The following MEF2A variants were observed in gnomAD, a reference collection of about 807,000 sequenced individuals.
MEF2A encodes myocyte-specific enhancer factor 2A.
A neutral mutation model predicts 55.8 loss-of-function variants in MEF2A; 28 were observed. The ratio of observed to expected loss-of-function variants is 0.50; its 90% CI spans 0.37 to 0.69. The LOEUF (loss-of-function observed/expected upper bound fraction) is 0.69, where lower values mean the gene tolerates loss of function less well. MEF2A is among the 30% of genes least tolerant of loss of function. The probability of loss-of-function intolerance (pLI) is 0.00; values close to 1 mark genes in which losing one functional copy is unlikely to be tolerated. For synonymous variants in MEF2A, 239 were observed against 227.1 expected (o/e 1.05, Z -0.47); for missense variants, 528 against 626.2 (o/e 0.84, Z 1.67).
At chr15:99,692,651 T>G (rs2055705418) in intron 8 of MEF2A, among the ~76,000 whole-genome samples, 1 of 152,152 alleles carries the variant, frequency 6.6e-6, no homozygotes, top group African/African-American at 2.4e-5. Context: ...TCTTGTATAC[T>G]TTTTTACTCC....
intron 8 of MEF2A, among the ~76,000 whole-genome samples, chr15:99,690,900 G>A (rs2055295765): frequency 6.6e-6 from 1 of 152,140 alleles, no homozygotes; most frequent in South Asian, 2.1e-4. Context: ...AGAGAAGGGT[G>A]ACTATAGTTA....
intron 4 of MEF2A, among the ~76,000 whole-genome samples, chr15:99,663,167 A>G (rs906412520): frequency 1.3e-5 from 2 of 152,112 alleles, no homozygotes; most frequent in Non-Finnish European, 2.9e-5. Context: ...TCTTCGATCC[A>G]AAATGTAGTG....
intron 8 of MEF2A, among the ~76,000 whole-genome samples, chr15:99,692,143 A>T (rs924425362): frequency 2.0e-5 from 3 of 152,212 alleles, no homozygotes; most frequent in African/African-American, 7.2e-5. Context: ...CCACTTTGGT[A>T]TAATGCTTTA....
chr15:99,676,228 G>A (rs1342720564), intron 7 of MEF2A, among the ~76,000 whole-genome samples: 1 of 152,108 alleles, frequency 6.6e-6, no homozygotes, highest in African/African-American at 2.4e-5. Flanking sequence ...AAGACCTATT[G>A]TGGAGTCTTA....
chr15:99,662,954 C>T (rs978011438), intron 4 of MEF2A, among the ~76,000 whole-genome samples: 1 of 152,298 alleles, frequency 6.6e-6, no homozygotes, highest in Middle Eastern at 3.4e-3. Context: ...GTTAACTCCT[C>T]ATGCATTTAA....
chr15:99,680,569 C>T (rs1390835760), intron 7 of MEF2A, among the ~76,000 whole-genome samples: 1 of 152,132 alleles, frequency 6.6e-6, no homozygotes, highest in Admixed American at 6.5e-5. Flanking sequence ...GGGAATCTCT[C>T]CTGAAGAGGT....
intron 1 of MEF2A, among the ~76,000 whole-genome samples, chr15:99,573,787 A>G (rs551399544): frequency 2.8e-4 from 42 of 152,362 alleles, no homozygotes; most frequent in Admixed American, 5.9e-4. Context: ...ACCATTTGTA[A>G]TAGTGAAAGT....
chr15:99,604,988 C>T lies in MEF2A; in HGVS notation c.-143+6477C>T, dbSNP rs147536734. Among the ~76,000 whole-genome samples, 37 of 152,314 alleles carry T rather than the reference C, an allele frequency of 2.4e-4. No individual in the cohort carries two copies. The East Asian group carries it at 6.2e-3, about 25-fold the overall frequency. On this transcript the variant is annotated intron_variant, in intron 2 of 11. Transcript: ENST00000557942. ...GGAGACAGAGTCTTGCTCTGTCGCT[C>T]ATCCTGGAGTACAGTGGTGTGAGCT...
chr15:99,706,537 A>T, intron 9 of MEF2A, 192 bp from the exon 10 acceptor site: 1 of 589,416 alleles, frequency 1.7e-6, no homozygotes, highest in Non-Finnish European at 2.9e-6. Flanking sequence ...TAAAAGAATT[A>T]ATGTAAAAAT....
intron 4 of MEF2A, among the ~76,000 whole-genome samples, chr15:99,666,926 A>G (rs762984084): frequency 2.0e-5 from 3 of 152,242 alleles, no homozygotes; most frequent in Non-Finnish European, 2.9e-5. Flanking sequence ...ATAACAATTT[A>G]TGAATTACCA....
chr15:99,704,828 A>G (rs1270346068), intron 9 of MEF2A, among the ~76,000 whole-genome samples: 1 of 152,216 alleles, frequency 6.6e-6, no homozygotes, highest in Non-Finnish European at 1.5e-5. Context: ...AAAGTCATTA[A>G]ATTTATAAAC....
intron 8 of MEF2A, among the ~76,000 whole-genome samples, chr15:99,694,508 A>G (rs1000261864): frequency 1.3e-5 from 2 of 152,240 alleles, no homozygotes; most frequent in Non-Finnish European, 2.9e-5. Flanking sequence ...GGTGCTCAAC[A>G]GGTTTTAGAT....
intron 6 of MEF2A, 129 bp downstream of exon 6, chr15:99,674,741 T>A: frequency 1.3e-6 from 1 of 775,318 alleles, no homozygotes; most frequent in Non-Finnish European, 2.1e-6. Flanking sequence ...GATACATAAT[T>A]GGCCTCATTT....
chr15:99,566,055 CG>C lies in MEF2A; in HGVS notation c.-271del, dbSNP rs1005715851. On this transcript the variant is annotated 5_prime_UTR_variant, in exon 1 of 12. Coordinates refer to ENST00000557942, the MANE Select transcript of MEF2A (RefSeq NM_001319206.4). ...TCCGGGCGGCGCGAAGCGCTGGTGG[CG>C]GGCCCGGGCTGCGGCGTGTGCGCGC... is the stretch of plus-strand genomic sequence containing the variant. 6 of 152,320 alleles carry C rather than the reference CG, an allele frequency of 3.9e-5. No homozygotes were observed. Among genetic ancestry groups the C allele is most frequent in the African/African-American group, 1.4e-4 (6 of 41,428 alleles). The allele number at this position is 152,320 out of a possible 1,614,324, so 9.4% of individuals were successfully genotyped here.
At chr15:99,581,281 C>A (rs138203826) in intron 1 of MEF2A, among the ~76,000 whole-genome samples, 1 of 152,092 alleles carries the variant, frequency 6.6e-6, no homozygotes, top group Non-Finnish European at 1.5e-5. Context: ...ATCAGAATTC[C>A]ATCATAATAT....
intron 4 of MEF2A, among the ~76,000 whole-genome samples, chr15:99,649,465 A>C (rs1308959617): frequency 1.3e-5 from 2 of 152,186 alleles, no homozygotes; most frequent in Non-Finnish European, 2.9e-5. Flanking sequence ...TCCACAAAGA[A>C]TGTTGTCAAA....
intron 2 of MEF2A, among the ~76,000 whole-genome samples, chr15:99,606,346 T>TA (rs570595727): frequency 5.9e-4 from 89 of 149,772 alleles, no homozygotes; most frequent in Non-Finnish European, 9.5e-4. Context: ...AAATATTTCT[T>TA]AAAAAAAAAA....
In MEF2A at chr15:99,578,466, A is replaced by G. The variant is rs1964976989; in HGVS notation, c.-225+12362A>G. Among the ~76,000 whole-genome samples, 3 of 152,172 alleles carry G rather than the reference A, an allele frequency of 2.0e-5. No individual in the cohort carries two copies. The South Asian group carries it at 6.2e-4, about 31-fold the overall frequency. On this transcript the variant is annotated intron_variant, in intron 1 of 11. Transcript: ENST00000557942. ...TACTGAAAAGTTTCTGAGAAACTTC[A>G]GGCTCATCTTGCATTTTACCAGCTC...
intron 7 of MEF2A, among the ~76,000 whole-genome samples, chr15:99,687,614 G>C (rs1044370780): frequency 2.0e-5 from 3 of 152,040 alleles, no homozygotes; most frequent in Non-Finnish European, 4.4e-5. Flanking sequence ...CTTTTCTTCT[G>C]TTCTTCTCTC....
Sources: allele counts gnomAD v4.1 joint callset (sites outside exome capture counted in the v4.1 genomes callset), GRCh38; gene constraint gnomAD v4.1.1; transcripts MANE v1.5; gene names NCBI Gene and HGNC (gene_info 2026-07-23, HGNC 2026-07-21).